Variants in ZNF675 observed in about 807,000 individuals in gnomAD.
The protein encoded by ZNF675 is TRAF6 inhibitory zinc finger.
In ZNF675, 36 loss-of-function variants were observed where a neutral mutation model predicts 56.1. The ratio of observed to expected loss-of-function variants is 0.64; its 90% CI spans 0.49 to 0.85. The LOEUF is 0.85. Ranked by LOEUF, ZNF675 falls within the 40% of genes least tolerant of loss-of-function variation. The pLI is 0.00. For synonymous variants in ZNF675, 200 were observed against 218.9 expected, an observed-to-expected ratio of 0.91 and a Z score of 0.76; for missense variants, 663 against 654.2, an observed-to-expected ratio of 1.01 and a Z score of -0.15.
chr19:23,673,807 C>T (rs1968256111), intron 1 of ZNF675, among the ~76,000 whole-genome samples: 1 of 152,104 alleles, frequency 6.6e-6, no homozygotes, highest in Non-Finnish European at 1.5e-5. Context: ...CCTGCACGTT[C>T]TGCACATGTA....
In ZNF675 at chr19:23,653,655, A is replaced by C; in HGVS notation, c.1278T>G (p.Cys426Trp). ...RIHTGEKPYK[C>W]EECGKAFNRS... ...GGTTAAAAGCTTTGCCACATTCTTC[A>C]CATTTGTAGGGTTTCTCTCCAGTGT... The change falls in exon 4 of 4, where the codon TGT (cysteine) becomes TGG (tryptophan). Residue 426 changes from cysteine to tryptophan, a missense_variant. Physicochemically the swap from Cys to Trp is radical, Grantham distance 215 (BLOSUM62 -2). Transcript: ENST00000359788. 1.2e-6 allele frequency: 2 copies of C among 1,613,804 alleles called. No individual in the cohort carries two copies. The highest frequency in any genetic ancestry group is 1.7e-6 in the Non-Finnish European group (2 of 1,179,976).
chr19:23,667,947 A>G (rs7257283), intron 1 of ZNF675, among the ~76,000 whole-genome samples: 70,912 of 144,240 alleles, frequency 0.49, 18,209 homozygotes, highest in Non-Finnish European at 0.6. Context: ...TGAGCTAGAC[A>G]TAAAGGTTCT....
intron 1 of ZNF675, among the ~76,000 whole-genome samples, chr19:23,674,237 A>G (rs2144944393): frequency 6.6e-6 from 1 of 152,022 alleles, no homozygotes; most frequent in Non-Finnish European, 1.5e-5. Flanking sequence ...AAATAAAAAT[A>G]AAATCCTGAG....
Position 23,662,149 on chromosome 19 carries a change from G to C in ZNF675, c.191C>G (p.Thr64Ser). The C allele has an allele frequency of 6.2e-7, 1 of 1,613,594 alleles. No homozygotes were observed. Residue 64 changes from threonine (T) to serine (S), a missense_variant, in exon 3 of 4, where the codon ACT (threonine) becomes AGT (serine). Physicochemically the swap from Thr to Ser is moderately conservative, Grantham distance 58. Around this residue, in one of 3 missense-constraint regions of ZNF675, gnomAD observed 617 missense variants for 590.5 expected, o/e 1.04. Coordinates refer to ENST00000359788, the MANE Select transcript of ZNF675 (RefSeq NM_138330.3). ...TCLEQEKEPL[T>S]VKRHEMVNEP... is the part of the protein sequence containing the mutation. The stretch of plus-strand genomic sequence containing the variant: ...ATTCACCATCTCATGTCTCTTCACA[G>C]TCAAAGGCTCTTTTTCTTGCTCCAG...
At chr19:23,660,838 C>T (rs1317141196) in intron 3 of ZNF675, among the ~76,000 whole-genome samples, 2 of 151,836 alleles carry the variant, frequency 1.3e-5, no homozygotes, top group Non-Finnish European at 2.9e-5. Context: ...AAATATAATT[C>T]TAAAATTTAA....
Position 23,674,897 on chromosome 19 carries a change from G to A in ZNF675, c.4-11739C>T, listed in dbSNP as rs367555893. On this transcript the variant is annotated intron_variant, in intron 1 of 3. Coordinates refer to ENST00000359788, the MANE Select transcript of ZNF675 (RefSeq NM_138330.3). ...TGAGGCACGAGAATCACTTGAACCCGGGAGGCAGAGGTTGTAGTGGGCCAA... is the reference window on the plus strand; with the variant it reads ...TGAGGCACGAGAATCACTTGAACCCAGGAGGCAGAGGTTGTAGTGGGCCAA... Among the ~76,000 whole-genome samples the A allele has an allele frequency of 2.7e-4, 41 of 151,428 alleles. 3 individuals are homozygous for A. Among genetic ancestry groups the A allele is most frequent in the African/African-American group, 9.0e-4 (37 of 40,912 alleles).
chr19:23,654,801 A>G, intron 3 of ZNF675, 95 bp from the exon 4 acceptor site: 2 of 1,035,780 alleles, frequency 1.9e-6, no homozygotes, highest in Non-Finnish European at 2.7e-6. Context: ...CATAAGCAAG[A>G]TGGCACCACA....
chr19:23,661,593 G>C (rs1272301069), intron 3 of ZNF675, among the ~76,000 whole-genome samples: 3 of 151,926 alleles, frequency 2.0e-5, no homozygotes, highest in African/African-American at 7.2e-5. Context: ...GGGAGGCTGA[G>C]ACAGGAGAAC....
At position 23,680,009 on chromosome 19, in the gene ZNF675, T is replaced by A. The variant is rs536002577; in HGVS notation, c.3+7022A>T. 2.1e-5 allele frequency among the ~76,000 whole-genome samples: 3 copies of A among 142,872 alleles called. No homozygotes were observed. In the East Asian group the frequency reaches 6.5e-4, roughly 31 times the overall value. The allele number at this position is 142,872 out of a possible 152,430, so 93.7% of individuals were successfully genotyped here. A position where few individuals can be genotyped will look rare whatever the true frequency, so the allele number is the denominator to read the frequency against. ...CCGTACCCCCCCCCAAAAAAAAACA[T>A]TAATAAAAACAAAATATGGCCAGAC... is the stretch of plus-strand genomic sequence containing the variant. On this transcript the variant is annotated intron_variant, in intron 1 of 3. Coordinates refer to ENST00000359788, the MANE Select transcript of ZNF675 (RefSeq NM_138330.3).
At chr19:23,674,540 G>A (rs1461303076) in intron 1 of ZNF675, among the ~76,000 whole-genome samples, 1 of 151,410 alleles carries the variant, frequency 6.6e-6, no homozygotes, top group Non-Finnish European at 1.5e-5. Context: ...CTACTCGGGA[G>A]GCTGAGGCAG....
intron 3 of ZNF675, among the ~76,000 whole-genome samples, chr19:23,661,187 G>A (rs1399349644): frequency 1.3e-5 from 2 of 151,992 alleles, no homozygotes; most frequent in Non-Finnish European, 2.9e-5. Flanking sequence ...TCTGTGAGAT[G>A]AATGCACACA....
intron 3 of ZNF675, among the ~76,000 whole-genome samples, chr19:23,658,904 T>TAGAA (rs1568289206): frequency 5.4e-4 from 64 of 117,458 alleles, no homozygotes; most frequent in Non-Finnish European, 9.6e-4. Context: ...TATAGATATC[T>TAGAA]ATAGATAGAT....
chr19:23,677,391 C>G (rs1968311972), intron 1 of ZNF675, among the ~76,000 whole-genome samples: 1 of 151,652 alleles, frequency 6.6e-6, no homozygotes, highest in African/African-American at 2.4e-5. Flanking sequence ...TCAACCATAT[C>G]CAAAGCAAAG....
intron 1 of ZNF675, among the ~76,000 whole-genome samples, chr19:23,665,551 A>C (rs1298364283): frequency 1.3e-5 from 2 of 151,468 alleles, no homozygotes; most frequent in Non-Finnish European, 2.9e-5. Flanking sequence ...GCTGGAGTGC[A>C]GTGGCGTGAT....
intron 1 of ZNF675, among the ~76,000 whole-genome samples, chr19:23,679,098 C>T (rs1159810690): frequency 7.4e-6 from 1 of 134,480 alleles, no homozygotes; most frequent in Non-Finnish European, 1.5e-5. Flanking sequence ...ACTCGGGAGG[C>T]GGAGCTTGCA....
At chr19:23,667,480 C>T (rs576592026) in intron 1 of ZNF675, among the ~76,000 whole-genome samples, 48 of 152,232 alleles carry the variant, frequency 3.2e-4, no homozygotes, top group African/African-American at 1.1e-3. Flanking sequence ...CTGATTGGTG[C>T]CTTTACAATC....
In ZNF675 at chr19:23,663,086, G is replaced by A. The variant is rs770815287; in HGVS notation, c.76C>T (p.Arg26Trp). The A allele has an allele frequency of 9.9e-6, 16 of 1,608,562 alleles. No individual in the cohort carries two copies. The highest frequency in any genetic ancestry group is 1.3e-5 in the African/African-American group (1 of 74,520). ...EEWQCLDTAQRNLYKNVILEN... is the reference protein window; with the variant it reads ...EEWQCLDTAQWNLYKNVILEN... The stretch of plus-strand genomic sequence containing the variant: ...AAAATCACATTTTTATATAAATTCC[G>A]CTGTGCAGTGTCCAGGCATTGCCAT... Residue 26 changes from arginine (R) to tryptophan (W), a missense_variant, in exon 2 of 4, where the codon CGG (arginine) becomes TGG (tryptophan). Arg to Trp is a moderately radical substitution (Grantham distance 101). This residue lies in a region of ZNF675 where 33 missense variants were observed against 31.8 expected (regional missense o/e 1.04). Transcript: ENST00000359788.
At chr19:23,659,764 G>A (rs8100146) in intron 3 of ZNF675, among the ~76,000 whole-genome samples, 92,159 of 152,046 alleles carry the variant, frequency 0.61, 28,925 homozygotes, top group Middle Eastern at 0.7. Context: ...ACTCCTCACA[G>A]CCAAAGTCTG....
Position 23,653,457 on chromosome 19 carries a change from G to A in ZNF675, c.1476C>T (p.Ser492=), listed in dbSNP as rs1687224053. The A allele has an allele frequency of 1.9e-6, 3 of 1,612,650 alleles. 1 individual carries two copies. Among genetic ancestry groups the A allele is most frequent in the South Asian group, 2.2e-5 (2 of 91,044 alleles). Reference sequence around the variant, plus strand: ...TTCTTTTATGTGTAGTAAGGGATGAGGAGTGTTTAAAAGCTTTGCCACATT... The same window carrying A: ...TTCTTTTATGTGTAGTAAGGGATGAAGAGTGTTTAAAAGCTTTGCCACATT... ...CEECGKAFKH[S]SSLTTHKRIH... The change falls in exon 4 of 4, where the codon TCC becomes TCT. Residue 492 remains serine, a synonymous_variant. Transcript: ENST00000359788.
Sources: gnomAD v4.1 joint callset for allele counts (sites outside exome capture counted in the v4.1 genomes callset) on GRCh38, gnomAD v4.1.1 for gene constraint, gnomAD v4.1.1 regional missense constraint, MANE v1.5 for transcripts, NCBI Gene and HGNC (gene_info 2026-07-23, HGNC 2026-07-21) for gene names.